PINX1: variants seen among roughly 807,000 people sequenced by gnomAD.
PINX1 encodes the protein PIN2/TERF1-interacting telomerase inhibitor 1.
PINX1 carries 34 observed loss-of-function variants against 25.4 expected under a neutral mutation model. The observed-to-expected ratio is 1.34, with a 90% CI of 1.02 to 1.78. PINX1 has a LOEUF of 1.78. Ranked by LOEUF, PINX1 falls within the 40% of genes most tolerant of loss-of-function variation. PINX1 has a pLI of 0.00. For synonymous variants in PINX1, 197 were observed against 147.7 expected, an observed-to-expected ratio of 1.33 and a Z score of -2.42; for missense variants, 592 against 404.9, an observed-to-expected ratio of 1.46 and a Z score of -3.97.
In PINX1 at chr8:10,795,108, T is replaced by C. The variant is rs79292499; in HGVS notation, c.471+25085A>G. Among the ~76,000 whole-genome samples, 169 of 152,366 alleles carry C rather than the reference T, an allele frequency of 1.1e-3. No individual in the cohort carries two copies. In the East Asian group the frequency reaches 0.028, roughly 26 times the overall value. On this transcript the variant is annotated intron_variant, in intron 6 of 6. Transcript: ENST00000314787. ...AAAATCCAAAAGCTTCTTGACTTTA[T>C]AAATGCAAAATTCTAAGATTAATTC... is the stretch of plus-strand genomic sequence containing the variant.
chr8:10,825,344 G>C (rs760712288), intron 5 of PINX1: 1 of 534,524 alleles, frequency 1.9e-6, no homozygotes, highest in Non-Finnish European at 3.8e-6. Flanking sequence ...CAACCTCCCA[G>C]GAAAGAACCA....
chr8:10,814,217 G>T (rs1019320200), intron 6 of PINX1, among the ~76,000 whole-genome samples: 1 of 152,160 alleles, frequency 6.6e-6, no homozygotes, highest in African/African-American at 2.4e-5. Flanking sequence ...GGAAAAGGAA[G>T]AACTTGGAAA....
chr8:10,781,077 G>A (rs1391240279), intron 6 of PINX1, among the ~76,000 whole-genome samples: 1 of 152,100 alleles, frequency 6.6e-6, no homozygotes, highest in Non-Finnish European at 1.5e-5. Context: ...TTTTTGACAA[G>A]AGCATGAAGA....
chr8:10,827,482 C>T (rs1334622855), intron 4 of PINX1, among the ~76,000 whole-genome samples: 1 of 152,024 alleles, frequency 6.6e-6, no homozygotes, highest in African/African-American at 2.4e-5. Context: ...ATTAGCTAGC[C>T]ACCTGCATTC....
At chr8:10,782,961 C>A (rs1801635411) in intron 6 of PINX1, among the ~76,000 whole-genome samples, 1 of 152,198 alleles carries the variant, frequency 6.6e-6, no homozygotes, top group Non-Finnish European at 1.5e-5. Flanking sequence ...CCTATATGCA[C>A]TGTTCCTCAG....
At chr8:10,795,839 A>T (rs1242875344) in intron 6 of PINX1, among the ~76,000 whole-genome samples, 3 of 152,108 alleles carry the variant, frequency 2.0e-5, no homozygotes, top group African/African-American at 4.8e-5. Context: ...GTTAGCAAAA[A>T]ACAACAAAAA....
intron 6 of PINX1, among the ~76,000 whole-genome samples, chr8:10,807,176 A>G (rs754397685): frequency 1.3e-5 from 2 of 152,188 alleles, no homozygotes; most frequent in Non-Finnish European, 2.9e-5. Context: ...GCCAAGGAAC[A>G]TACGGTTGTA....
chr8:10,829,065 A>G (rs1043909656), intron 4 of PINX1, among the ~76,000 whole-genome samples: 4 of 152,302 alleles, frequency 2.6e-5, no homozygotes, highest in African/African-American at 4.8e-5. Flanking sequence ...AGGTGGGTGG[A>G]TCACAAGGTC....
In PINX1 at chr8:10,820,244, T is replaced by G; in HGVS notation, c.420A>C (p.Lys140Asn). 9 of 1,612,626 alleles carry G rather than the reference T, an allele frequency of 5.6e-6. No homozygotes were observed. Among genetic ancestry groups the G allele is most frequent in the Non-Finnish European group, 6.8e-6 (8 of 1,178,798 alleles). Reference protein sequence around the residue: ...TKGKDLSSRSKTDLDCIFGKR... With the variant: ...TKGKDLSSRSNTDLDCIFGKR... ...TCCCAAAAATGCAGTCAAGATCTGT[T>G]TTGCTCCGAGATGACAGATCCTTCC... Residue 140 changes from lysine to asparagine, a missense_variant, in exon 6 of 7, where the codon AAA (lysine) becomes AAC (asparagine). By Grantham distance (94) the Lys-to-Asn change is moderately conservative (BLOSUM62 0). Transcript: ENST00000314787.
chr8:10,785,127 G>A (rs1385110693), intron 6 of PINX1, among the ~76,000 whole-genome samples: 5 of 152,168 alleles, frequency 3.3e-5, no homozygotes, highest in African/African-American at 1.2e-4. Context: ...TCAAGATTGT[G>A]TTTTAAACAG....
At chr8:10,816,058 C>T (rs1322153074) in intron 6 of PINX1, among the ~76,000 whole-genome samples, 2 of 152,144 alleles carry the variant, frequency 1.3e-5, no homozygotes, top group South Asian at 2.1e-4. Flanking sequence ...GTCAGGGTCA[C>T]GGGCGGTGTT....
intron 6 of PINX1, among the ~76,000 whole-genome samples, chr8:10,798,171 A>ATTT (rs1802150202): frequency 6.6e-6 from 1 of 152,234 alleles, no homozygotes; most frequent in Non-Finnish European, 1.5e-5. Context: ...CTCAGCCAAC[A>ATTT]TTTTTGAAAA....
intron 6 of PINX1, among the ~76,000 whole-genome samples, chr8:10,780,986 T>G (rs1322729335): frequency 2.6e-5 from 4 of 152,146 alleles, no homozygotes; most frequent in Non-Finnish European, 5.9e-5. Flanking sequence ...AACAGTATGG[T>G]ACTGGCACAA....
At chr8:10,834,951 A>G (rs1190339234) in intron 1 of PINX1, among the ~76,000 whole-genome samples, 176 bp from the exon 2 acceptor site, 1 of 152,226 alleles carries the variant, frequency 6.6e-6, no homozygotes, top group East Asian at 1.9e-4. Flanking sequence ...ATTTATCCTG[A>G]TTTCCCTAAT....
intron 5 of PINX1, among the ~76,000 whole-genome samples, chr8:10,823,347 G>C (rs1253199170): frequency 6.6e-6 from 1 of 152,120 alleles, no homozygotes; most frequent in East Asian, 1.9e-4. Flanking sequence ...CACAATTACA[G>C]TTTATGCAAC....
At chr8:10,781,808 T>C (rs1801595320) in intron 6 of PINX1, among the ~76,000 whole-genome samples, 1 of 152,150 alleles carries the variant, frequency 6.6e-6, no homozygotes, top group Non-Finnish European at 1.5e-5. Context: ...ATACAATTAC[T>C]GTATAGCCCA....
Position 10,826,176 on chromosome 8 carries a change from C to T in PINX1, c.370G>A (p.Val124Ile). The T allele has an allele frequency of 6.3e-7, 1 of 1,581,966 alleles. No homozygotes were observed. The highest frequency in any genetic ancestry group is 1.1e-5 in the South Asian group (1 of 88,448). ...CCTTTTGTGAATTTCATATAGTGAA[C>T]ACGGTTTTTGGAGATTTTGGACTTT... ...EEKSKISKNR[V>I]HYMKFTKGKD... The change falls in exon 5 of 7, where the codon GTT becomes ATT. Residue 124 changes from valine (V) to isoleucine (I), a missense_variant. By Grantham distance (29) the Val-to-Ile change is conservative. Transcript: ENST00000314787.
chr8:10,808,240 C>G (rs1180347756), intron 6 of PINX1, among the ~76,000 whole-genome samples: 1 of 152,126 alleles, frequency 6.6e-6, no homozygotes, highest in Admixed American at 6.5e-5. Context: ...AACAGAAGTC[C>G]ACATTTTAAA....
intron 4 of PINX1, among the ~76,000 whole-genome samples, chr8:10,829,254 C>T (rs2129088836): frequency 6.7e-6 from 1 of 148,250 alleles, no homozygotes; most frequent in South Asian, 2.2e-4. Context: ...CCACTGCACT[C>T]CAGCCTGGGC....
Sources: allele counts gnomAD v4.1 joint callset (sites outside exome capture counted in the v4.1 genomes callset), GRCh38; gene constraint gnomAD v4.1.1; transcripts MANE v1.5; gene names NCBI Gene and HGNC (gene_info 2026-07-23, HGNC 2026-07-21).